Variants in PCMT1 observed in about 807,000 individuals in gnomAD.
PCMT1 encodes protein-L-isoaspartate(D-aspartate) O-methyltransferase.
Under a neutral mutation model 29.2 loss-of-function variants are expected in PCMT1, and 9 were observed. The ratio of observed to expected loss-of-function variants is 0.31; its 90% CI spans 0.19 to 0.54. The LOEUF is 0.54. Ranked by LOEUF, PCMT1 falls within the 20% of genes least tolerant of loss-of-function variation. The probability of loss-of-function intolerance (pLI) is 0.95; values close to 1 mark genes in which losing one functional copy is unlikely to be tolerated. For synonymous variants in PCMT1, 98 were observed against 97.5 expected (o/e 1.00, Z -0.03); for missense variants, 184 against 282.2 (o/e 0.65, Z 2.49).
chr6:149,772,571 A>G (rs1483179625), intron 2 of PCMT1: 1 of 456,382 alleles, frequency 2.2e-6, no homozygotes, highest in East Asian at 6.9e-5. Context: ...CTACAGGAGA[A>G]GAAATTTTTA....
At chr6:149,750,048 C>T in intron 1 of PCMT1, 92 bp downstream of exon 1, 2 of 1,455,222 alleles carry the variant, frequency 1.4e-6, no homozygotes, top group South Asian at 1.4e-5. Flanking sequence ...CTGTCTGTCC[C>T]CGCGCGCCTG....
chr6:149,756,512 C>CTTTTTTTTTTTTTTTTTTTTTT (rs61038108), intron 1 of PCMT1, among the ~76,000 whole-genome samples: 1 of 74,720 alleles, frequency 1.3e-5, no homozygotes, highest in Non-Finnish European at 2.6e-5. Flanking sequence ...CCATGACTGG[C>CTTTTTTTTTTTTTTTTTTTTTT]TTTTTTTTTT....
At chr6:149,755,700 G>A (rs548887650) in intron 1 of PCMT1, among the ~76,000 whole-genome samples, 1 of 152,006 alleles carries the variant, frequency 6.6e-6, no homozygotes, top group Non-Finnish European at 1.5e-5. Flanking sequence ...TTGTCATTTA[G>A]TCAGCTGATA....
intron 1 of PCMT1, among the ~76,000 whole-genome samples, chr6:149,770,205 ACTACAGAATAT>A (rs1787254677): frequency 6.6e-6 from 1 of 152,160 alleles, no homozygotes; most frequent in South Asian, 2.1e-4. Flanking sequence ...TGTCCAGCTG[ACTACAGAATAT>A]CTCCAGTTGT....
At chr6:149,750,083 C>A in intron 1 of PCMT1, 127 bp downstream of exon 1, 1 of 1,298,604 alleles carries the variant, frequency 7.7e-7, no homozygotes, top group Non-Finnish European at 1.0e-6. Context: ...CGCAGAGTTG[C>A]CCCGGTAGTC....
chr6:149,749,895 C>G lies in PCMT1; in HGVS notation c.-7C>G, dbSNP rs372025363. 96 of 1,608,194 alleles carry G rather than the reference C, an allele frequency of 6.0e-5. No homozygotes were observed. Among genetic ancestry groups the G allele is most frequent in the Non-Finnish European group, 7.8e-5 (92 of 1,177,732 alleles). On this transcript the variant is annotated 5_prime_UTR_variant, in exon 1 of 8. Coordinates refer to ENST00000464889, the MANE Select transcript of PCMT1 (RefSeq NM_001360452.2). ...TGGTTCTGTACCTGCTCCGAGTGTG[C>G]TTAGCGATGGCCTGGAAATCCGGCG...
upstream of PCMT1, chr6:149,749,728 A>C: frequency 6.5e-7 from 1 of 1,542,766 alleles, no homozygotes; most frequent in Non-Finnish European, 8.7e-7. Flanking sequence ...GCCGCGGGGG[A>C]TGCCGGGAGC....
chr6:149,769,182 G>A (rs879146941), intron 1 of PCMT1, among the ~76,000 whole-genome samples: 1 of 151,510 alleles, frequency 6.6e-6, no homozygotes, highest in Non-Finnish European at 1.5e-5. Flanking sequence ...CTACTTTTAG[G>A]CATTTTGTGG....
chr6:149,766,268 T>C (rs1013860544), intron 1 of PCMT1, among the ~76,000 whole-genome samples: 1 of 152,198 alleles, frequency 6.6e-6, no homozygotes, highest in Admixed American at 6.6e-5. Flanking sequence ...CTCTAGAAGA[T>C]TCCTCAGAAA....
At chr6:149,765,974 A>T (rs1464585627) in intron 1 of PCMT1, among the ~76,000 whole-genome samples, 1 of 124,740 alleles carries the variant, frequency 8.0e-6, no homozygotes, top group Non-Finnish European at 1.6e-5. Context: ...CTCAAAAAAA[A>T]AATAAATTTT....
chr6:149,753,268 T>G (rs563575430), intron 1 of PCMT1, among the ~76,000 whole-genome samples: 15 of 152,178 alleles, frequency 9.9e-5, no homozygotes, highest in African/African-American at 3.1e-4. Context: ...TATAAAAATG[T>G]GATTGTGTTG....
chr6:149,775,933 G>A (rs1787544034), intron 3 of PCMT1, among the ~76,000 whole-genome samples: 1 of 152,098 alleles, frequency 6.6e-6, no homozygotes, highest in Non-Finnish European at 1.5e-5. Context: ...GCCAAAGTGG[G>A]CGAATCACCA....
At chr6:149,784,925 G>C (rs564394003) in intron 3 of PCMT1, among the ~76,000 whole-genome samples, 1 of 152,014 alleles carries the variant, frequency 6.6e-6, no homozygotes, top group Admixed American at 6.6e-5. Flanking sequence ...TCTACTCCAC[G>C]TTCAAAGTTT....
Position 149,793,686 on chromosome 6 carries a change from T to G in PCMT1, c.418+17T>G, listed in dbSNP as rs372768663. 7.4e-5 allele frequency: 113 copies of G among 1,525,644 alleles called. 1 individual carries two copies. In the African/African-American group the frequency reaches 1.4e-3, roughly 19 times the overall value. The allele number at this position is 1,525,644 out of a possible 1,614,324, so 94.5% of individuals were successfully genotyped here. The stretch of plus-strand genomic sequence containing the variant: ...AGCTTGTTGGTAAGTATCAGAAAAC[T>G]TTAAAAATTTCTTCAGAGGATTTTT... On this transcript the variant is annotated intron_variant, in intron 5 of 7. Transcript: ENST00000464889.
At chr6:149,806,701 C>T (rs190535478) in intron 7 of PCMT1, among the ~76,000 whole-genome samples, 1 of 152,236 alleles carries the variant, frequency 6.6e-6, no homozygotes, top group Admixed American at 6.5e-5. Flanking sequence ...GCGATCCCCC[C>T]TGCCTCAGCC....
At chr6:149,792,820 C>A (rs1402983738) in intron 4 of PCMT1, among the ~76,000 whole-genome samples, 1 of 152,056 alleles carries the variant, frequency 6.6e-6, no homozygotes, top group Non-Finnish European at 1.5e-5. Flanking sequence ...TATATATTTT[C>A]ATGTTTTCTA....
At chr6:149,788,977 G>A (rs9688940) in intron 3 of PCMT1, among the ~76,000 whole-genome samples, 80,675 of 151,464 alleles carry the variant, frequency 0.53, 24,647 homozygotes, top group East Asian at 0.83. Context: ...TGTATAGAAT[G>A]ATGTATTAAT....
At chr6:149,761,296 CAT>C (rs200483703) in intron 1 of PCMT1, among the ~76,000 whole-genome samples, 2,342 of 152,012 alleles carry the variant, frequency 0.015, 60 homozygotes, top group African/African-American at 0.054. Context: ...TATATATACA[CAT>C]ACATACTATC....
At chr6:149,806,936 C>G (rs1776035337) in intron 7 of PCMT1, among the ~76,000 whole-genome samples, 1 of 152,150 alleles carries the variant, frequency 6.6e-6, no homozygotes, top group African/African-American at 2.4e-5. Flanking sequence ...TTCCTAGGAA[C>G]CTTCTCTTGT....
Sources: allele counts gnomAD v4.1 joint callset (sites outside exome capture counted in the v4.1 genomes callset), GRCh38; gene constraint gnomAD v4.1.1; transcripts MANE v1.5; gene names NCBI Gene and HGNC (gene_info 2026-07-23, HGNC 2026-07-21).